The following KCNMB2 variants were observed in gnomAD, a reference collection of about 807,000 sequenced individuals.
KCNMB2 encodes calcium-activated potassium channel subunit beta-2.
In KCNMB2, 9 loss-of-function variants were observed where a neutral mutation model predicts 24.5. That is an observed-to-expected ratio of 0.37 (90% CI 0.22 to 0.64). KCNMB2 has a LOEUF of 0.64. Among genes scored for constraint, KCNMB2 ranks in the 30% least tolerant of loss-of-function variants. The pLI, the probability that KCNMB2 is intolerant of heterozygous loss-of-function variation, is 0.63. For synonymous variants in KCNMB2, 109 were observed against 104.4 expected (o/e 1.04, Z -0.27); for missense variants, 226 against 284.3 (o/e 0.79, Z 1.47).
intron 1 of KCNMB2, among the ~76,000 whole-genome samples, chr3:178,617,907 A>G (rs925796453): frequency 2.6e-5 from 4 of 151,678 alleles, no homozygotes; most frequent in African/African-American, 9.7e-5. Flanking sequence ...AAAAAAAAAA[A>G]AAAACCCAAC....
chr3:178,787,959 C>T (rs1169539184), intron 1 of KCNMB2, among the ~76,000 whole-genome samples: 1 of 152,086 alleles, frequency 6.6e-6, no homozygotes, highest in Non-Finnish European at 1.5e-5. Flanking sequence ...AAAGAGTTCT[C>T]ATAAAGGTTA....
intron 1 of KCNMB2, among the ~76,000 whole-genome samples, chr3:178,726,525 C>T (rs1422352697): frequency 2.0e-5 from 3 of 151,588 alleles, no homozygotes; most frequent in African/African-American, 4.8e-5. Context: ...ATTTTACCTT[C>T]GTTCCTGAAG....
intron 1 of KCNMB2, among the ~76,000 whole-genome samples, chr3:178,746,051 A>G (rs1316024759): frequency 6.6e-6 from 1 of 152,098 alleles, no homozygotes; most frequent in Non-Finnish European, 1.5e-5. Flanking sequence ...TCACAGCTCC[A>G]CTAGGTGGTG....
chr3:178,784,970 T>G (rs1713043535), intron 1 of KCNMB2, among the ~76,000 whole-genome samples: 1 of 151,410 alleles, frequency 6.6e-6, no homozygotes, highest in Non-Finnish European at 1.5e-5. Context: ...CAAATGCTAA[T>G]ATTCAATGAT....
Position 178,589,804 on chromosome 3 carries a change from T to C in KCNMB2, c.-68+53093T>C, listed in dbSNP as rs1460674576. Among the ~76,000 whole-genome samples, 4 of 152,214 alleles carry C rather than the reference T, an allele frequency of 2.6e-5. No homozygotes were observed. The South Asian group carries it at 6.2e-4, about 24-fold the overall frequency. ...CATTTGGAAGGGTAGTGACCTGTCCTAGACAAAGTTTTAAAACTTTGGACG... is the reference window on the plus strand; with the variant it reads ...CATTTGGAAGGGTAGTGACCTGTCCCAGACAAAGTTTTAAAACTTTGGACG... On this transcript the variant is annotated intron_variant, in intron 1 of 4. Transcript: ENST00000452583.
intron 1 of KCNMB2, among the ~76,000 whole-genome samples, chr3:178,586,669 TGAG>T (rs1717450950): frequency 6.7e-6 from 1 of 148,228 alleles, no homozygotes; most frequent in Non-Finnish European, 1.5e-5. Context: ...CTCAGCCTCC[TGAG>T]TAGTTGGGAT....
chr3:178,759,842 C>CTA (rs1212388839), intron 1 of KCNMB2, among the ~76,000 whole-genome samples: 2 of 4,318 alleles, frequency 4.6e-4, no homozygotes, highest in Non-Finnish European at 6.8e-4. Context: ...GAGGATATAT[C>CTA]TATATATATA....
intron 1 of KCNMB2, among the ~76,000 whole-genome samples, chr3:178,753,168 G>C (rs967848624): frequency 6.6e-6 from 1 of 152,236 alleles, no homozygotes; most frequent in South Asian, 2.1e-4. Context: ...TGGCAGTCAT[G>C]TAGTGATAGT....
chr3:178,569,139 T>A (rs1049958371), intron 1 of KCNMB2, among the ~76,000 whole-genome samples: 1 of 152,076 alleles, frequency 6.6e-6, no homozygotes, highest in African/African-American at 2.4e-5. Flanking sequence ...TTTCCAGAAG[T>A]TTTTCCCCAT....
chr3:178,772,910 CT>C lies in KCNMB2; in HGVS notation c.-67-34431del, dbSNP rs1312984482. On this transcript the variant is annotated intron_variant, in intron 1 of 4. Transcript: ENST00000452583. ...GGAAATTAGTTCAACCTGAACCACC[CT>C]TGTGGTTTCTTTGGAACTCAAAGCT... Among the ~76,000 whole-genome samples the C allele has an allele frequency of 2.0e-5, 3 of 152,124 alleles. No homozygotes were observed. In the East Asian group the frequency reaches 5.8e-4, roughly 29 times the overall value.
chr3:178,667,076 A>G (rs574216863), intron 1 of KCNMB2, among the ~76,000 whole-genome samples: 1 of 152,190 alleles, frequency 6.6e-6, no homozygotes, highest in South Asian at 2.1e-4. Context: ...TTTTATTGTT[A>G]TATTTATTTT....
In KCNMB2 at chr3:178,618,003, CAGAT is replaced by C. The variant is rs200533457; in HGVS notation, c.-68+81301_-68+81304del. 4.7e-3 allele frequency among the ~76,000 whole-genome samples: 705 copies of C among 151,286 alleles called. 3 individuals carry two copies. Among genetic ancestry groups the C allele is most frequent in the African/African-American group, 0.016 (676 of 41,204 alleles). ...TATGCCTATAGACAAAAATCATATG[CAGAT>C]AGATAGATTTTTAATAAACTTAGAA... On this transcript the variant is annotated intron_variant, in intron 1 of 4. Transcript: ENST00000452583.
At chr3:178,664,395 A>T (rs1720642391) in intron 1 of KCNMB2, among the ~76,000 whole-genome samples, 1 of 152,140 alleles carries the variant, frequency 6.6e-6, no homozygotes, top group Non-Finnish European at 1.5e-5. Context: ...GGCTATAAAA[A>T]TCTAAGTCTG....
intron 1 of KCNMB2, among the ~76,000 whole-genome samples, chr3:178,673,970 T>A (rs752351808): frequency 5.9e-5 from 9 of 152,246 alleles, no homozygotes; most frequent in African/African-American, 1.4e-4. Context: ...GTTTTAATCA[T>A]GTTTACTAAA....
chr3:178,568,743 TGATA>T (rs750923547), intron 1 of KCNMB2, among the ~76,000 whole-genome samples: 99 of 144,284 alleles, frequency 6.9e-4, no homozygotes, highest in African/African-American at 1.5e-3. Context: ...ATCTTTAAGA[TGATA>T]GATAGATAGA....
chr3:178,774,701 C>T (rs1712512001), intron 1 of KCNMB2, among the ~76,000 whole-genome samples: 1 of 152,234 alleles, frequency 6.6e-6, no homozygotes, highest in South Asian at 2.1e-4. Context: ...CCAAGAAACA[C>T]TTCTACTTCC....
intron 1 of KCNMB2, among the ~76,000 whole-genome samples, chr3:178,804,067 C>T (rs993309430): frequency 6.6e-6 from 1 of 152,186 alleles, no homozygotes; most frequent in Non-Finnish European, 1.5e-5. Flanking sequence ...GTTTCCTCTC[C>T]TCACTGCCCA....
chr3:178,574,693 C>T (rs1716927984), intron 1 of KCNMB2, among the ~76,000 whole-genome samples: 1 of 152,208 alleles, frequency 6.6e-6, no homozygotes, highest in Admixed American at 6.6e-5. Context: ...GGTTCAAGGC[C>T]TGACCATCTA....
intron 1 of KCNMB2, among the ~76,000 whole-genome samples, chr3:178,652,349 G>A (rs767378934): frequency 1.3e-5 from 2 of 152,048 alleles, no homozygotes; most frequent in Non-Finnish European, 2.9e-5. Context: ...GATAGCATTA[G>A]GAGAAATACC....
Sources: allele counts gnomAD v4.1 joint callset (sites outside exome capture counted in the v4.1 genomes callset), GRCh38; gene constraint gnomAD v4.1.1; transcripts MANE v1.5; gene names NCBI Gene and HGNC (gene_info 2026-07-23, HGNC 2026-07-21).